KCNH7: variants seen among roughly 807,000 people sequenced by gnomAD.
KCNH7 encodes voltage-gated inwardly rectifying potassium channel KCNH7.
In KCNH7, 49 loss-of-function variants were observed where a neutral mutation model predicts 120.8. The ratio of observed to expected loss-of-function variants is 0.41; its 90% CI spans 0.32 to 0.51. The LOEUF (loss-of-function observed/expected upper bound fraction) is 0.51, where lower values mean the gene tolerates loss of function less well. Ranked by LOEUF, KCNH7 falls within the 20% of genes least tolerant of loss-of-function variation. The probability of loss-of-function intolerance (pLI) is 0.38; values close to 1 mark genes in which losing one functional copy is unlikely to be tolerated. For missense variants in KCNH7, 1,097 were observed against 1,446.6 expected, an observed-to-expected ratio of 0.76 and a Z score of 3.92; for synonymous variants, 547 against 516.1, an observed-to-expected ratio of 1.06 and a Z score of -0.81.
At chr2:162,592,232 G>A (rs962982711) in intron 2 of KCNH7, among the ~76,000 whole-genome samples, 8 of 152,000 alleles carry the variant, frequency 5.3e-5, no homozygotes, top group African/African-American at 1.9e-4. Context: ...ATAGATAAAG[G>A]TTTCACCCAC....
intron 10 of KCNH7, among the ~76,000 whole-genome samples, chr2:162,399,663 GGTT>G (rs1467767002): frequency 6.6e-6 from 1 of 151,798 alleles, no homozygotes; most frequent in African/African-American, 2.4e-5. Context: ...TTCTATCACT[GGTT>G]GTTAAGTTTA....
At chr2:162,703,580 G>A (rs1167912777) in intron 2 of KCNH7, among the ~76,000 whole-genome samples, 2 of 152,118 alleles carry the variant, frequency 1.3e-5, no homozygotes, top group Non-Finnish European at 2.9e-5. Context: ...AATTTCAAAT[G>A]ACACATGTGC....
At chr2:162,456,514 T>C (rs1374292539) in intron 6 of KCNH7, among the ~76,000 whole-genome samples, 2 of 152,128 alleles carry the variant, frequency 1.3e-5, no homozygotes, top group African/African-American at 2.4e-5. Context: ...TGTAGACATC[T>C]ATTACGTCCA....
intron 2 of KCNH7, among the ~76,000 whole-genome samples, chr2:162,551,281 AG>A (rs758877158): frequency 6.4e-4 from 97 of 152,356 alleles, no homozygotes; most frequent in Non-Finnish European, 1.2e-3. Context: ...GTCATTTAAA[AG>A]CACCACAATG....
intron 7 of KCNH7, among the ~76,000 whole-genome samples, chr2:162,437,462 G>T (rs954799562): frequency 2.6e-5 from 4 of 152,004 alleles, no homozygotes; most frequent in African/African-American, 9.7e-5. Context: ...TTATTGGCTG[G>T]ATCCCTGAGA....
chr2:162,707,182 GT>G (rs889190591), intron 2 of KCNH7, among the ~76,000 whole-genome samples: 1 of 151,890 alleles, frequency 6.6e-6, no homozygotes, highest in African/African-American at 2.4e-5. Context: ...TTTTTGTTTA[GT>G]TTTTTAAAAA....
At chr2:162,419,653 T>C (rs1207675784) in intron 9 of KCNH7, among the ~76,000 whole-genome samples, 1 of 152,132 alleles carries the variant, frequency 6.6e-6, no homozygotes, top group Non-Finnish European at 1.5e-5. Context: ...TAAATGCTCA[T>C]ACAGGCATTT....
chr2:162,802,941 C>T (rs768257920), intron 2 of KCNH7, among the ~76,000 whole-genome samples: 71 of 151,538 alleles, frequency 4.7e-4, no homozygotes, highest in Admixed American at 3.3e-4. Context: ...TGATACTAAT[C>T]GGATATTCAT....
intron 2 of KCNH7, among the ~76,000 whole-genome samples, chr2:162,593,139 A>T (rs1694266392): frequency 6.6e-6 from 1 of 152,098 alleles, no homozygotes; most frequent in African/African-American, 2.4e-5. Flanking sequence ...CTCTTTCAAA[A>T]TATTAATAAC....
At chr2:162,576,958 C>A (rs1693691558) in intron 2 of KCNH7, among the ~76,000 whole-genome samples, 1 of 151,748 alleles carries the variant, frequency 6.6e-6, no homozygotes, top group Non-Finnish European at 1.5e-5. Context: ...GTTGCCCGGG[C>A]TGGAGTACAG....
At chr2:162,554,234 TG>T (rs1007649414) in intron 2 of KCNH7, among the ~76,000 whole-genome samples, 1 of 152,212 alleles carries the variant, frequency 6.6e-6, no homozygotes, top group African/African-American at 2.4e-5. Context: ...TGGGCATGTT[TG>T]ACTCATCTCC....
intron 2 of KCNH7, among the ~76,000 whole-genome samples, chr2:162,562,678 G>A (rs1237318621): frequency 6.6e-6 from 1 of 152,164 alleles, no homozygotes; most frequent in Non-Finnish European, 1.5e-5. Flanking sequence ...CAGGAGGTAG[G>A]AGAAGGGTGG....
At chr2:162,652,173 G>C (rs1684587859) in intron 2 of KCNH7, among the ~76,000 whole-genome samples, 1 of 152,106 alleles carries the variant, frequency 6.6e-6, no homozygotes, top group Non-Finnish European at 1.5e-5. Flanking sequence ...TGTGATATGG[G>C]GGAAAGAGCC....
intron 2 of KCNH7, among the ~76,000 whole-genome samples, chr2:162,693,241 G>A (rs543321578): frequency 1.3e-5 from 2 of 152,222 alleles, no homozygotes; most frequent in East Asian, 1.9e-4. Context: ...TCATTACAAA[G>A]CAGTTCTTGA....
chr2:162,610,237 T>C (rs1002232810), intron 2 of KCNH7, among the ~76,000 whole-genome samples: 2 of 152,184 alleles, frequency 1.3e-5, no homozygotes, highest in African/African-American at 2.4e-5. Context: ...TTATGGAGAA[T>C]GGGCAGGCAA....
intron 9 of KCNH7, among the ~76,000 whole-genome samples, chr2:162,422,460 T>C (rs777677507): frequency 1.3e-5 from 2 of 152,184 alleles, no homozygotes; most frequent in African/African-American, 4.8e-5. Flanking sequence ...GGAGTAGCCA[T>C]ATGGGAAGCC....
At chr2:162,442,112 G>A (rs920624856) in intron 7 of KCNH7, among the ~76,000 whole-genome samples, 3 of 133,556 alleles carry the variant, frequency 2.2e-5, no homozygotes, top group South Asian at 2.6e-4. Context: ...TGCAAGCTCC[G>A]CCTCCCAGGT....
chr2:162,749,533 A>G (rs1454787097), intron 2 of KCNH7, among the ~76,000 whole-genome samples: 1 of 152,232 alleles, frequency 6.6e-6, no homozygotes, highest in African/African-American at 2.4e-5. Context: ...AGTAATGTGT[A>G]AAACATTCAG....
intron 2 of KCNH7, among the ~76,000 whole-genome samples, chr2:162,653,872 T>G (rs748316126): frequency 6.6e-6 from 1 of 152,074 alleles, no homozygotes; most frequent in Non-Finnish European, 1.5e-5. Context: ...GGCACAAAAG[T>G]GCCAAAAACA....
Sources: gnomAD v4.1 joint callset for allele counts (sites outside exome capture counted in the v4.1 genomes callset) on GRCh38, gnomAD v4.1.1 for gene constraint, MANE v1.5 for transcripts, NCBI Gene and HGNC (gene_info 2026-07-23, HGNC 2026-07-21) for gene names.